Variants in FSTL4 observed in about 807,000 individuals in gnomAD.
FSTL4 encodes follistatin like 4.
FSTL4 carries 28 observed loss-of-function variants against 78.2 expected under a neutral mutation model. The ratio of observed to expected loss-of-function variants is 0.36; its 90% CI spans 0.27 to 0.49. FSTL4 has a LOEUF of 0.49. Ranked by LOEUF, FSTL4 falls within the 20% of genes least tolerant of loss-of-function variation. FSTL4 has a pLI of 0.98. For missense variants in FSTL4, 922 were observed against 1,084.9 expected, an observed-to-expected ratio of 0.85 and a Z score of 2.11; for synonymous variants, 422 against 440.5, an observed-to-expected ratio of 0.96 and a Z score of 0.53.
chr5:133,701,514 A>G, the FSTL4 span, among the ~76,000 whole-genome samples: 1 of 64,924 alleles, frequency 1.5e-5, no homozygotes, highest in African/African-American at 6.1e-5. Context: ...CACACACCCC[A>G]CAGGCCAGCC....
At chr5:133,803,626 C>T in the FSTL4 span, among the ~76,000 whole-genome samples, 2 of 152,222 alleles carry the variant, frequency 1.3e-5, no homozygotes, top group African/African-American at 4.8e-5. Context: ...GGGGCAGAAG[C>T]ATGGTCTTTC....
the FSTL4 span, among the ~76,000 whole-genome samples, chr5:133,673,576 C>T: frequency 6.6e-6 from 1 of 152,234 alleles, no homozygotes; most frequent in Admixed American, 6.5e-5. Context: ...CGATGCCTGC[C>T]AACCATTGTG....
chr5:133,425,042 G>A (rs1442651607), intron 3 of FSTL4, among the ~76,000 whole-genome samples: 1 of 152,158 alleles, frequency 6.6e-6, no homozygotes, highest in Non-Finnish European at 1.5e-5. Flanking sequence ...ATTAGACTGT[G>A]GATTAATCTA....
At chr5:133,241,378 A>G (rs1201424724) in intron 7 of FSTL4, among the ~76,000 whole-genome samples, 1 of 152,192 alleles carries the variant, frequency 6.6e-6, no homozygotes, top group African/African-American at 2.4e-5. Flanking sequence ...AAACTCAAAT[A>G]GGGAAGTTCT....
At chr5:133,569,832 ATGTT>A (rs1221510270) in intron 2 of FSTL4, among the ~76,000 whole-genome samples, 10 of 152,154 alleles carry the variant, frequency 6.6e-5, no homozygotes, top group Admixed American at 2.6e-4. Flanking sequence ...TATTTTAAAT[ATGTT>A]TTACATTTAT....
chr5:133,245,123 A>G (rs1369068360), intron 7 of FSTL4, among the ~76,000 whole-genome samples: 1 of 81,192 alleles, frequency 1.2e-5, no homozygotes. Context: ...CTACTGCCTA[A>G]AAAAAAAAAA....
rs947773544 is a variant in FSTL4 at position 133,236,005 on chromosome 5, G to A, written c.895-2468C>T. ...CCATTTCAAAGGGAAAAGGGTGGCAGGGCTTGGAAACTCCTCAGCGTCCCA... is the reference window on the plus strand; with the variant it reads ...CCATTTCAAAGGGAAAAGGGTGGCAAGGCTTGGAAACTCCTCAGCGTCCCA... On this transcript the variant is annotated intron_variant, in intron 7 of 15. Transcript: ENST00000265342. This position sits in a 1 kb window ranked among gnomAD's most constrained non-coding sequence, Gnocchi z 5.0. Among the ~76,000 whole-genome samples, 3 of 152,088 alleles carry A rather than the reference G, an allele frequency of 2.0e-5. No homozygotes were observed. The highest frequency in any genetic ancestry group is 6.5e-5 in the Admixed American group (1 of 15,278).
intron 3 of FSTL4, among the ~76,000 whole-genome samples, chr5:133,545,290 G>C (rs377223521): frequency 9.2e-5 from 14 of 152,278 alleles, no homozygotes; most frequent in African/African-American, 3.4e-4. Flanking sequence ...GAGGCGATTA[G>C]GTCACTAAGA....
chr5:133,393,168 T>G (rs1755897646), intron 4 of FSTL4, among the ~76,000 whole-genome samples: 1 of 149,170 alleles, frequency 6.7e-6, no homozygotes, highest in Non-Finnish European at 1.5e-5. Context: ...GAAGTCCTAG[T>G]TGTTTTCACA....
At chr5:133,761,964 A>G in the FSTL4 span, among the ~76,000 whole-genome samples, 4 of 152,188 alleles carry the variant, frequency 2.6e-5, no homozygotes, top group Non-Finnish European at 5.9e-5. Flanking sequence ...CCTTTGTGGA[A>G]ACATCTGAGG....
intron 3 of FSTL4, among the ~76,000 whole-genome samples, chr5:133,417,047 C>T (rs1255017646): frequency 1.3e-5 from 2 of 152,096 alleles, no homozygotes; most frequent in African/African-American, 4.8e-5. Context: ...CTACTTCTAA[C>T]TAGGATACAG....
At chr5:133,485,282 C>A (rs948072063) in intron 3 of FSTL4, among the ~76,000 whole-genome samples, 2 of 152,180 alleles carry the variant, frequency 1.3e-5, no homozygotes, top group African/African-American at 4.8e-5. Context: ...ACATTCACAG[C>A]CAGCTCTTGG....
At chr5:133,269,974 C>T (rs1752732884) in intron 6 of FSTL4, 1 of 152,220 alleles carries the variant, frequency 6.6e-6, no homozygotes, top group South Asian at 2.1e-4. Context: ...CCTTTCCTCT[C>T]AAGTTTCTTT....
the FSTL4 span, among the ~76,000 whole-genome samples, chr5:133,661,656 C>G: frequency 1.3e-5 from 2 of 152,172 alleles, no homozygotes; most frequent in African/African-American, 2.4e-5. Flanking sequence ...TGTTGTTAAT[C>G]AAAGCATGGA....
At chr5:133,712,896 T>A in the FSTL4 span, among the ~76,000 whole-genome samples, 1 of 152,150 alleles carries the variant, frequency 6.6e-6, no homozygotes, top group Non-Finnish European at 1.5e-5. Flanking sequence ...CGTGTGTGAT[T>A]CTTGTAGCCA....
At chr5:133,798,974 G>GAGGGAGGGAGGGAGGGAGGA in the FSTL4 span, among the ~76,000 whole-genome samples, 1 of 53,884 alleles carries the variant, frequency 1.9e-5, no homozygotes, top group African/African-American at 8.3e-5. Flanking sequence ...GGGAGGAAGG[G>GAGGGAGGGAGGGAGGGAGGA]AGGGAGGGAG....
the FSTL4 span, among the ~76,000 whole-genome samples, chr5:133,660,156 T>G: frequency 2.9e-3 from 440 of 152,358 alleles, 2 homozygotes; most frequent in African/African-American, 0.01. Context: ...ACATTCCAAA[T>G]TATTTAATGT....
intron 4 of FSTL4, among the ~76,000 whole-genome samples, chr5:133,353,338 C>T (rs1003983654): frequency 1.3e-5 from 2 of 152,186 alleles, no homozygotes; most frequent in Non-Finnish European, 2.9e-5. Context: ...TCTCTCCTAC[C>T]TAATTTTTGG....
chr5:133,213,115 G>A (rs1399403662), intron 13 of FSTL4, among the ~76,000 whole-genome samples: 1 of 149,940 alleles, frequency 6.7e-6, no homozygotes, highest in Non-Finnish European at 1.5e-5. Flanking sequence ...TGATTCTCCT[G>A]TTTCAGCCTC....
Sources: gnomAD v4.1 joint callset for allele counts (sites outside exome capture counted in the v4.1 genomes callset) on GRCh38, gnomAD v4.1.1 for gene constraint, Gnocchi (gnomAD v3.1) non-coding constraint, MANE v1.5 for transcripts, NCBI Gene and HGNC (gene_info 2026-07-23, HGNC 2026-07-21) for gene names.